The following STAU2 variants were observed in gnomAD, a reference collection of about 807,000 sequenced individuals.
STAU2 encodes the protein staufen double-stranded RNA binding protein 2.
In STAU2, 20 loss-of-function variants were observed where a neutral mutation model predicts 65.9. The ratio of observed to expected loss-of-function variants is 0.30; its 90% confidence interval spans 0.21 to 0.44. The LOEUF is 0.44. Among genes scored for constraint, STAU2 ranks in the 20% least tolerant of loss-of-function variants. The pLI is 1.00. For missense variants in STAU2, 558 were observed against 683.9 expected, an observed-to-expected ratio of 0.82 and a Z score of 2.05; for synonymous variants, 232 against 233.9, an observed-to-expected ratio of 0.99 and a Z score of 0.07.
intron 6 of STAU2, among the ~76,000 whole-genome samples, chr8:73,626,513 C>T (rs1038894902): frequency 6.6e-5 from 10 of 152,032 alleles, no homozygotes; most frequent in East Asian, 1.9e-4. Context: ...GCTATTTACC[C>T]GAGGAGAGGC....
chr8:73,455,918 C>T (rs1250877898), intron 13 of STAU2, among the ~76,000 whole-genome samples: 3 of 152,114 alleles, frequency 2.0e-5, no homozygotes, highest in African/African-American at 4.8e-5. Flanking sequence ...GATGGACGGA[C>T]GGATGGATGA....
intron 12 of STAU2, among the ~76,000 whole-genome samples, chr8:73,554,202 C>T (rs1289887544): frequency 6.6e-6 from 1 of 152,226 alleles, no homozygotes; most frequent in East Asian, 1.9e-4. Context: ...CTTCAGGCAA[C>T]TCCCAGATAA....
At chr8:73,714,361 A>G (rs529610661) in intron 3 of STAU2, among the ~76,000 whole-genome samples, 34 of 152,288 alleles carry the variant, frequency 2.2e-4, no homozygotes, top group African/African-American at 7.7e-4. Context: ...AATCTGACAG[A>G]TATGTCCCCA....
At chr8:73,632,851 C>A (rs1426093455) in intron 6 of STAU2, among the ~76,000 whole-genome samples, 1 of 152,174 alleles carries the variant, frequency 6.6e-6, no homozygotes, top group Non-Finnish European at 1.5e-5. Context: ...ATAAGTATAT[C>A]CTGTTACTTC....
At chr8:73,635,240 G>A (rs1814400723) in intron 6 of STAU2, among the ~76,000 whole-genome samples, 1 of 152,130 alleles carries the variant, frequency 6.6e-6, no homozygotes, top group Non-Finnish European at 1.5e-5. Flanking sequence ...TGATTCTCCT[G>A]CAGGAAACAA....
chr8:73,580,489 C>T (rs747479072), intron 12 of STAU2, among the ~76,000 whole-genome samples: 2 of 152,188 alleles, frequency 1.3e-5, no homozygotes, highest in Non-Finnish European at 1.5e-5. Flanking sequence ...CTGCTCTAAC[C>T]TTTGCCTGCA....
chr8:73,482,642 G>C (rs1380819433), intron 13 of STAU2, among the ~76,000 whole-genome samples: 1 of 152,002 alleles, frequency 6.6e-6, no homozygotes, highest in Non-Finnish European at 1.5e-5. Flanking sequence ...TTTAACAGAA[G>C]TCTTTTATTT....
intron 10 of STAU2, among the ~76,000 whole-genome samples, chr8:73,601,218 G>T (rs754533562): frequency 1.3e-5 from 2 of 152,070 alleles, no homozygotes; most frequent in Non-Finnish European, 2.9e-5. Flanking sequence ...TCTGAAATAG[G>T]ATTTACCAAA....
intron 13 of STAU2, among the ~76,000 whole-genome samples, chr8:73,545,852 T>A (rs1407843643): frequency 6.6e-6 from 1 of 151,622 alleles, no homozygotes; most frequent in East Asian, 1.9e-4. Context: ...TTTCACCGTG[T>A]TAGCCAGGAT....
chr8:73,618,915 A>C (rs756078931), intron 6 of STAU2, among the ~76,000 whole-genome samples: 3 of 152,220 alleles, frequency 2.0e-5, no homozygotes, highest in Non-Finnish European at 2.9e-5. Flanking sequence ...TGGAAAATGG[A>C]GTACCCATCT....
chr8:73,529,716 A>T (rs1311740998), intron 13 of STAU2, among the ~76,000 whole-genome samples: 1 of 152,108 alleles, frequency 6.6e-6, no homozygotes, highest in Non-Finnish European at 1.5e-5. Context: ...TGCCTTACAG[A>T]CATTCAATAT....
chr8:73,591,384 T>A (rs1351405343), intron 11 of STAU2, among the ~76,000 whole-genome samples: 1 of 152,024 alleles, frequency 6.6e-6, no homozygotes, highest in East Asian at 1.9e-4. Flanking sequence ...TCTCAATAAC[T>A]TCAGTAAGTG....
intron 4 of STAU2, among the ~76,000 whole-genome samples, chr8:73,703,355 G>GC (rs573422726): frequency 2.0e-5 from 3 of 151,830 alleles, no homozygotes; most frequent in Admixed American, 6.6e-5. Flanking sequence ...GCATCCTGAG[G>GC]CCCCCCCAAA....
chr8:73,595,288 C>T lies in STAU2; in HGVS notation c.1039G>A (p.Gly347Ser). The T allele has an allele frequency of 6.3e-7, 1 of 1,589,926 alleles. No individual in the cohort carries two copies. The highest frequency in any genetic ancestry group is 8.5e-7 in the Non-Finnish European group (1 of 1,172,406). The change falls in exon 11 of 15, where the codon GGC becomes AGC. Residue 347 changes from glycine (G) to serine (S), a missense_variant. Physicochemically the swap from Gly to Ser is moderately conservative, Grantham distance 56. Around this residue, in one of 3 missense-constraint regions of STAU2, gnomAD observed 247 missense variants for 270.1 expected, o/e 0.91. Transcript: ENST00000524300. The stretch of plus-strand genomic sequence containing the variant: ...CCTGTTCCTGTAGCAACTTCATTGC[C>T]TACCTTCACCTGATAAGATTAAAGA... Reference protein sequence around the residue: ...RREFVMQVKVGNEVATGTGPN... With the variant: ...RREFVMQVKVSNEVATGTGPN...
chr8:73,475,566 A>G (rs1430505144), intron 13 of STAU2, among the ~76,000 whole-genome samples: 1 of 152,224 alleles, frequency 6.6e-6, no homozygotes, highest in African/African-American at 2.4e-5. Context: ...TAAAAACCTT[A>G]GAGATTTCAC....
chr8:73,635,266 C>T (rs971107838), intron 6 of STAU2, among the ~76,000 whole-genome samples: 1 of 152,064 alleles, frequency 6.6e-6, no homozygotes, highest in East Asian at 1.9e-4. Context: ...TCTGAACAAA[C>T]TGTAAAAAAA....
At chr8:73,655,822 G>C (rs1303847828) in intron 6 of STAU2, among the ~76,000 whole-genome samples, 1 of 151,674 alleles carries the variant, frequency 6.6e-6, no homozygotes, top group East Asian at 1.9e-4. Context: ...CTAATTTTTT[G>C]TATTTTTAGT....
chr8:73,669,834 C>T (rs1817540451), intron 6 of STAU2, among the ~76,000 whole-genome samples: 1 of 152,098 alleles, frequency 6.6e-6, no homozygotes, highest in Non-Finnish European at 1.5e-5. Context: ...TAGCACCAGA[C>T]TTTTTAAAAG....
chr8:73,627,935 A>C (rs1813809809), intron 6 of STAU2, among the ~76,000 whole-genome samples: 1 of 152,116 alleles, frequency 6.6e-6, no homozygotes, highest in South Asian at 2.1e-4. Flanking sequence ...TTTCAGCTTT[A>C]TTCAAGTGAC....
Sources: allele counts gnomAD v4.1 joint callset (sites outside exome capture counted in the v4.1 genomes callset), GRCh38; gene constraint gnomAD v4.1.1; regional missense constraint gnomAD v4.1.1; transcripts MANE v1.5; gene names NCBI Gene and HGNC (gene_info 2026-07-23, HGNC 2026-07-21).